The following NUP188 variants were observed in gnomAD, a reference collection of about 807,000 sequenced individuals.
NUP188 encodes nucleoporin 188, also known as nucleoporin NUP188.
In NUP188, 97 loss-of-function variants were observed where a neutral mutation model predicts 223.0. The observed-to-expected ratio is 0.43, with a 90% CI of 0.37 to 0.51. NUP188 has a LOEUF of 0.51. Among genes scored for constraint, NUP188 ranks in the 20% least tolerant of loss-of-function variants. NUP188 has a pLI of 0.00. For synonymous variants in NUP188, 869 were observed against 828.0 expected, an observed-to-expected ratio of 1.05 and a Z score of -0.85; for missense variants, 1,947 against 2,175.6, an observed-to-expected ratio of 0.89 and a Z score of 2.09.
Position 128,999,295 on chromosome 9 carries a change from G to A in NUP188, c.3639G>A (p.Val1213=), listed in dbSNP as rs1842593979. The A allele has an allele frequency of 1.2e-6, 2 of 1,614,198 alleles. No homozygotes were observed. Among genetic ancestry groups the A allele is most frequent in the South Asian group, 1.1e-5 (1 of 91,090 alleles). Residue 1213 remains valine, a synonymous_variant, in exon 33 of 44, where the codon GTG becomes GTA. Transcript: ENST00000372577. The stretch of plus-strand genomic sequence containing the variant: ...AGGTGTTCTCAGCATTCATCACAGT[G>A]TTGCAAATGAAGGAGATGAAAGGTG... ...KAKVFSAFIT[V]LQMKEMKVSD...
At chr9:128,952,691 C>G (rs1223394794) in intron 2 of NUP188, 82 bp from the exon 3 acceptor site, 1 of 1,266,996 alleles carries the variant, frequency 7.9e-7, no homozygotes, top group Non-Finnish European at 1.1e-6. Flanking sequence ...CCACTGCACT[C>G]CAGCCTGGGT....
chr9:128,956,242 C>A, intron 3 of NUP188, 108 bp from the exon 4 acceptor site: 6 of 522,900 alleles, frequency 1.1e-5, no homozygotes, highest in East Asian at 3.4e-5. Context: ...TGTTTATAGG[C>A]ATCTGAAGGG....
At chr9:128,955,666 C>G (rs771886358) in intron 3 of NUP188, among the ~76,000 whole-genome samples, 2 of 151,892 alleles carry the variant, frequency 1.3e-5, no homozygotes, top group Non-Finnish European at 2.9e-5. Flanking sequence ...TATGTCATCT[C>G]CTACCGAAAG....
intron 11 of NUP188, 26 bp downstream of exon 11, chr9:128,970,984 G>C (rs747709434): frequency 6.4e-7 from 1 of 1,560,028 alleles, no homozygotes; most frequent in Non-Finnish European, 8.8e-7. Context: ...TGGGTGGTGA[G>C]CATGGGAGTG....
intron 37 of NUP188, 34 bp from the exon 38 acceptor site, chr9:129,003,283 C>G: frequency 6.3e-7 from 1 of 1,585,016 alleles, no homozygotes; most frequent in Non-Finnish European, 8.5e-7. Flanking sequence ...CCTCAGCCAT[C>G]CCCATCTTTC....
At chr9:128,992,489 C>G (rs1357857608) in intron 25 of NUP188, among the ~76,000 whole-genome samples, 1 of 152,246 alleles carries the variant, frequency 6.6e-6, no homozygotes, top group Middle Eastern at 3.2e-3. Context: ...GCCACTGTGC[C>G]TGGCCCCTGG....
intron 8 of NUP188, among the ~76,000 whole-genome samples, chr9:128,963,042 TATATC>T (rs963540185): frequency 2.6e-5 from 4 of 152,332 alleles, no homozygotes; most frequent in African/African-American, 4.8e-5. Flanking sequence ...TCATCCATGT[TATATC>T]ATATACTAGT....
intron 19 of NUP188, among the ~76,000 whole-genome samples, chr9:128,984,253 A>G (rs944392469): frequency 1.3e-5 from 2 of 151,322 alleles, no homozygotes; most frequent in Non-Finnish European, 2.9e-5. Flanking sequence ...CAGCCTCCCA[A>G]GTAGCTGGGA....
intron 28 of NUP188, among the ~76,000 whole-genome samples, 165 bp downstream of exon 28, chr9:128,994,607 T>C (rs183338040): frequency 2.1e-4 from 32 of 152,310 alleles, no homozygotes; most frequent in Admixed American, 2.0e-3. Flanking sequence ...TCTGTCCCTT[T>C]GATGTCTTGC....
intron 9 of NUP188, 61 bp downstream of exon 9, chr9:128,968,778 G>T: frequency 7.7e-7 from 1 of 1,303,180 alleles, no homozygotes; most frequent in South Asian, 1.2e-5. Context: ...TACTATAGTG[G>T]TATGTAAGCA....
rs1479104542 is a variant in NUP188, at chr9:129,001,891, C to G, written c.4052C>G (p.Thr1351Arg). ...LTLARTQQGA[T>R]AVAGAGITQS... is the part of the protein sequence containing the mutation. The stretch of plus-strand genomic sequence containing the variant: ...GTCTTTCCCTCCTCCCAGGGAGCCA[C>G]AGCAGTGGCTGGAGCTGGCATCACC... Residue 1351 changes from threonine (T) to arginine (R), a missense_variant, in exon 36 of 44, where the codon ACA becomes AGA. Thr to Arg is a moderately conservative substitution (Grantham distance 71). Around this residue, in one of 3 missense-constraint regions of NUP188, gnomAD observed 905 missense variants for 990.6 expected, o/e 0.91. Transcript: ENST00000372577. 1 of 1,613,936 alleles carries G rather than the reference C, an allele frequency of 6.2e-7. No individual in the cohort carries two copies. The highest frequency in any genetic ancestry group is 2.2e-5 in the East Asian group (1 of 44,898).
chr9:129,003,523 C>T lies in NUP188; in HGVS notation c.4434+69C>T, dbSNP rs751993820. ...GAGACAGGGAGGCTGTGAGGTCTCA[C>T]TGGGGCACTCCTAGTGAATTGCAGG... On this transcript the variant is annotated intron_variant, in intron 38 of 43. Coordinates refer to ENST00000372577, the MANE Select transcript of NUP188 (RefSeq NM_015354.3). The T allele has an allele frequency of 4.5e-6, 7 of 1,542,188 alleles. No individual in the cohort carries two copies. In the Admixed American group the frequency reaches 1.0e-4, roughly 22 times the overall value.
Position 128,956,945 on chromosome 9 carries a change from G to C in NUP188, c.247-7G>C. 6.2e-7 allele frequency: 1 copy of C among 1,601,570 alleles called. No homozygotes were observed. Among genetic ancestry groups the C allele is most frequent in the Non-Finnish European group, 8.5e-7 (1 of 1,172,546 alleles). ...GCTGTTCCTTACTTAAAATCTCTGT[G>C]TTTCAGGGTCTTGATGAAGAACAGA... On this transcript the variant is annotated splice_region_variant and splice_polypyrimidine_tract_variant and intron_variant, in intron 4 of 43. Transcript: ENST00000372577.
At chr9:128,993,426 C>T (rs887089434) in intron 26 of NUP188, 23 bp downstream of exon 26, 2 of 1,613,098 alleles carry the variant, frequency 1.2e-6, no homozygotes, top group South Asian at 2.2e-5. Flanking sequence ...CCTGGGATGA[C>T]ACTGGGAGTT....
chr9:129,005,983 G>A lies in NUP188; in HGVS notation c.4870-67G>A, dbSNP rs17485674. ...AATTTGCTTAGTGCAGGACATGCAAGTAGGAAGCTCTCAGTAAGTGGGAGC... is the reference window on the plus strand; with the variant it reads ...AATTTGCTTAGTGCAGGACATGCAAATAGGAAGCTCTCAGTAAGTGGGAGC... On this transcript the variant is annotated intron_variant, in intron 41 of 43. Coordinates refer to ENST00000372577, the MANE Select transcript of NUP188 (RefSeq NM_015354.3). The A allele has an allele frequency of 2.2e-3, 3,472 of 1,550,278 alleles. 61 individuals are homozygous for A. The African/African-American group carries it at 0.041, about 18-fold the overall frequency.
chr9:128,980,681 C>T lies in NUP188; in HGVS notation c.1345C>T (p.Gln449Ter). ...TCCCCACCTTCTCTCCCCACTCCTG[C>T]AACTGCTCCGAGCCCTGGTATCAGG... ...MFPHLLSPLL[Q>*]LLRALVSGKS... is the part of the protein sequence containing the mutation. The change falls in exon 14 of 44, where the codon CAA becomes TAA. Residue 449 changes from glutamine (Q) to a stop codon, truncating the protein, a stop_gained. Coordinates refer to ENST00000372577, the MANE Select transcript of NUP188 (RefSeq NM_015354.3). LOFTEE classifies it high-confidence loss of function. The T allele has an allele frequency of 6.2e-7, 1 of 1,614,134 alleles. No homozygotes were observed. The highest frequency in any genetic ancestry group is 8.5e-7 in the Non-Finnish European group (1 of 1,180,012).
At chr9:128,962,671 A>G (rs1054345895) in intron 8 of NUP188, among the ~76,000 whole-genome samples, 3 of 152,000 alleles carry the variant, frequency 2.0e-5, no homozygotes, top group African/African-American at 7.2e-5. Flanking sequence ...AAAAAAATTC[A>G]TATGCAAAAT....
At chr9:128,987,448 C>T (rs1459797745) in intron 22 of NUP188, 141 bp from the exon 23 acceptor site, 4 of 657,614 alleles carry the variant, frequency 6.1e-6, no homozygotes, top group South Asian at 2.5e-5. Context: ...GGAAAGTGAT[C>T]AGAGTGCCTT....
At chr9:128,983,735 T>C (rs527786795) in intron 19 of NUP188, among the ~76,000 whole-genome samples, 185 bp downstream of exon 19, 1 of 152,272 alleles carries the variant, frequency 6.6e-6, no homozygotes, top group Non-Finnish European at 1.5e-5. Context: ...GTTCAAGCAG[T>C]TGTTGTGTTT....
Sources: gnomAD v4.1 joint callset for allele counts (sites outside exome capture counted in the v4.1 genomes callset) on GRCh38, gnomAD v4.1.1 for gene constraint, gnomAD v4.1.1 regional missense constraint, MANE v1.5 for transcripts, NCBI Gene and HGNC (gene_info 2026-07-23, HGNC 2026-07-21) for gene names.